The following EML1 variants were observed in gnomAD, a reference collection of about 807,000 sequenced individuals.
EML1 encodes the protein EMAP like 1.
In EML1, 27 loss-of-function variants were observed where a neutral mutation model predicts 110.4. The ratio of observed to expected loss-of-function variants is 0.24; its 90% CI spans 0.18 to 0.34. EML1 has a LOEUF of 0.34. EML1 is among the 10% of genes least tolerant of loss of function. EML1 has a pLI of 1.00. For synonymous variants in EML1, 344 were observed against 385.8 expected, an observed-to-expected ratio of 0.89 and a Z score of 1.27; for missense variants, 741 against 1,030.9, an observed-to-expected ratio of 0.72 and a Z score of 3.85.
At chr14:99,917,024 C>T (rs368194023) in intron 15 of EML1, among the ~76,000 whole-genome samples, 67 of 152,284 alleles carry the variant, frequency 4.4e-4, no homozygotes, top group African/African-American at 1.6e-3. Context: ...TCTCATGATC[C>T]TTCCAGGCCT....
intron 17 of EML1, 100 bp downstream of exon 17, chr14:99,920,977 A>T: frequency 9.0e-7 from 1 of 1,107,172 alleles, no homozygotes; most frequent in East Asian, 2.4e-5. Context: ...ACATAGGTAA[A>T]CGTGTGCCAT....
chr14:99,888,913 G>A (rs2059531571), intron 4 of EML1, among the ~76,000 whole-genome samples: 1 of 152,108 alleles, frequency 6.6e-6, no homozygotes, highest in African/African-American at 2.4e-5. Flanking sequence ...AGAGTCCTCA[G>A]GGGCTCTGGG....
intron 2 of EML1, among the ~76,000 whole-genome samples, chr14:99,853,638 C>T (rs889043878): frequency 5.3e-5 from 8 of 152,170 alleles, no homozygotes; most frequent in Non-Finnish European, 1.0e-4. Context: ...CTGCCATGCT[C>T]ATATAGACTT....
intron 1 of EML1, among the ~76,000 whole-genome samples, chr14:99,758,893 G>C (rs1193840655): frequency 6.6e-6 from 1 of 152,234 alleles, no homozygotes; most frequent in Non-Finnish European, 1.5e-5. Context: ...CTCTGGGTTT[G>C]CAAAGAAATT....
intron 3 of EML1, among the ~76,000 whole-genome samples, chr14:99,874,452 G>A (rs2059256404): frequency 6.6e-6 from 1 of 152,178 alleles, no homozygotes; most frequent in Admixed American, 6.5e-5. Flanking sequence ...AAAATAAAGA[G>A]CATTATTTTT....
chr14:99,811,236 C>T (rs961673909), intron 1 of EML1, among the ~76,000 whole-genome samples: 1 of 147,530 alleles, frequency 6.8e-6, no homozygotes, highest in African/African-American at 2.4e-5. Flanking sequence ...GGCTAGAGTG[C>T]AGTGGTTGAT....
At chr14:99,741,705 C>A (rs2057044630) in intron 1 of EML1, among the ~76,000 whole-genome samples, 1 of 152,006 alleles carries the variant, frequency 6.6e-6, no homozygotes, top group African/African-American at 2.4e-5. Flanking sequence ...TCCCAGCCAC[C>A]CCCAGCTCTC....
chr14:99,877,868 G>A (rs373529448), intron 3 of EML1, among the ~76,000 whole-genome samples: 1 of 152,096 alleles, frequency 6.6e-6, no homozygotes, highest in East Asian at 1.9e-4. Flanking sequence ...CCCAGCTGTG[G>A]CAACAGAAGG....
intron 2 of EML1, among the ~76,000 whole-genome samples, chr14:99,861,384 C>G (rs942963822): frequency 1.2e-4 from 19 of 152,234 alleles, no homozygotes; most frequent in African/African-American, 4.6e-4. Flanking sequence ...AAAGTTCCAG[C>G]AAGTTAAAAA....
chr14:99,889,329 G>C (rs2059544573), intron 4 of EML1, among the ~76,000 whole-genome samples: 1 of 152,162 alleles, frequency 6.6e-6, no homozygotes, highest in Non-Finnish European at 1.5e-5. Flanking sequence ...GGGGCCTGCT[G>C]AAGGCTGAAG....
chr14:99,891,333 G>C lies in EML1; in HGVS notation c.547+106G>C. 2.7e-6 allele frequency: 4 copies of C among 1,457,080 alleles called. No individual in the cohort carries two copies. In the South Asian group the frequency reaches 4.7e-5, roughly 17 times the overall value. 90.3% of individuals were successfully genotyped at this position (1,457,080 alleles called of 1,614,324 possible). A position where few individuals can be genotyped will look rare whatever the true frequency, so the allele number is the denominator to read the frequency against. ...TCAGGGGCCAGCCTTGGACACACAG[G>C]AGCTTTGGTTTGTGCAGGCCCAGAT... is the stretch of plus-strand genomic sequence containing the variant. On this transcript the variant is annotated intron_variant, in intron 5 of 21. Coordinates refer to ENST00000262233, the MANE Select transcript of EML1 (RefSeq NM_004434.3).
intron 1 of EML1, among the ~76,000 whole-genome samples, chr14:99,831,373 G>A (rs1415147246): frequency 6.6e-6 from 1 of 152,270 alleles, no homozygotes; most frequent in African/African-American, 2.4e-5. Context: ...CCAGGGACCC[G>A]GGACAGGTAC....
chr14:99,738,371 G>A (rs535123058), intron 1 of EML1, among the ~76,000 whole-genome samples: 2 of 152,336 alleles, frequency 1.3e-5, no homozygotes, highest in East Asian at 1.9e-4. Flanking sequence ...AATGGCCAGC[G>A]ACACAGGCAG....
Position 99,911,578 on chromosome 14 carries a change from T to TAAGTCATC in EML1, c.1494+6_1494+13dup. ...TATCAAAAACTTCGTAAAACGGAGG[T>TAAGTCATC]AAGTCATCAAGGCTACTGCTAAAAT... On this transcript the variant is annotated splice_region_variant and intron_variant, in intron 13 of 21. Coordinates refer to ENST00000262233, the MANE Select transcript of EML1 (RefSeq NM_004434.3). The TAAGTCATC allele has an allele frequency of 1.2e-6, 2 of 1,611,820 alleles. No homozygotes were observed. The highest frequency in any genetic ancestry group is 8.5e-7 in the Non-Finnish European group (1 of 1,179,644).
chr14:99,907,611 T>C (rs772797452), intron 9 of EML1, 27 bp from the exon 10 acceptor site: 7 of 1,599,518 alleles, frequency 4.4e-6, no homozygotes, highest in Non-Finnish European at 5.1e-6. Context: ...TCAGATATAG[T>C]CTTCCTGTGA....
intron 13 of EML1, among the ~76,000 whole-genome samples, chr14:99,911,882 CT>C (rs1566933811): frequency 6.6e-6 from 1 of 150,952 alleles, no homozygotes; most frequent in East Asian, 1.9e-4. Flanking sequence ...TTAACTTTTT[CT>C]TTTTCTTTTT....
chr14:99,909,525 T>G, intron 11 of EML1, 46 bp downstream of exon 11: 1 of 1,611,350 alleles, frequency 6.2e-7, no homozygotes, highest in Admixed American at 1.7e-5. Flanking sequence ...CTCGTATATG[T>G]GATTGGCTAG....
At chr14:99,811,215 T>C (rs2058073585) in intron 1 of EML1, among the ~76,000 whole-genome samples, 1 of 147,744 alleles carries the variant, frequency 6.8e-6, no homozygotes, top group Non-Finnish European at 1.5e-5. Flanking sequence ...AGGGTCTCGC[T>C]CTATCACCCA....
At chr14:99,826,170 T>C (rs1278885387) in intron 1 of EML1, among the ~76,000 whole-genome samples, 1 of 142,746 alleles carries the variant, frequency 7.0e-6, no homozygotes, top group Non-Finnish European at 1.5e-5. Context: ...TGGAGTGCAG[T>C]GGCGTGATCT....
Sources: gnomAD v4.1 joint callset for allele counts (sites outside exome capture counted in the v4.1 genomes callset) on GRCh38, gnomAD v4.1.1 for gene constraint, MANE v1.5 for transcripts, NCBI Gene and HGNC (gene_info 2026-07-23, HGNC 2026-07-21) for gene names.